Variants in TTC28 observed in about 807,000 individuals in gnomAD.
The protein encoded by TTC28 is tetratricopeptide repeat domain 28.
Under a neutral mutation model 198.0 loss-of-function variants are expected in TTC28, and 61 were observed. The observed-to-expected ratio is 0.31, with a 90% confidence interval of 0.25 to 0.38. The LOEUF (loss-of-function observed/expected upper bound fraction) is 0.38. Among genes scored for constraint, TTC28 ranks in the 10% least tolerant of loss-of-function variants. TTC28 has a pLI of 1.00. For missense variants in TTC28, 2,678 were observed against 3,164.0 expected (o/e 0.85, Z 3.69); for synonymous variants, 1,171 against 1,297.8 (o/e 0.90, Z 2.10).
At chr22:28,284,161 A>T (rs2145743604) in intron 5 of TTC28, among the ~76,000 whole-genome samples, 1 of 152,306 alleles carries the variant, frequency 6.6e-6, no homozygotes, top group Non-Finnish European at 1.5e-5. Flanking sequence ...ATTCATCTTT[A>T]TATCCAAAGG....
intron 5 of TTC28, among the ~76,000 whole-genome samples, chr22:28,264,905 C>T (rs1257604849): frequency 6.6e-6 from 1 of 152,058 alleles, no homozygotes; most frequent in Non-Finnish European, 1.5e-5. Flanking sequence ...CTTATTTTCC[C>T]CCAGAGACAA....
At chr22:28,595,237 CT>C (rs1195219298) in intron 2 of TTC28, among the ~76,000 whole-genome samples, 1 of 152,082 alleles carries the variant, frequency 6.6e-6, no homozygotes, top group Non-Finnish European at 1.5e-5. Flanking sequence ...TTACAACATT[CT>C]TGAGGGCAAT....
chr22:28,098,357 C>T (rs1284192813), intron 10 of TTC28, among the ~76,000 whole-genome samples: 1 of 152,136 alleles, frequency 6.6e-6, no homozygotes, highest in Non-Finnish European at 1.5e-5. Context: ...GGGAGGGAAC[C>T]TGGTTCAAGC....
At chr22:28,038,299 T>C (rs1939449540) in intron 12 of TTC28, among the ~76,000 whole-genome samples, 1 of 152,206 alleles carries the variant, frequency 6.6e-6, no homozygotes, top group African/African-American at 2.4e-5. Flanking sequence ...CAAAACAGCA[T>C]GGTACTGGTA....
At chr22:28,477,665 C>T (rs1342576410) in intron 2 of TTC28, among the ~76,000 whole-genome samples, 1 of 152,158 alleles carries the variant, frequency 6.6e-6, no homozygotes, top group African/African-American at 2.4e-5. Context: ...AGTGGCCTTC[C>T]TGAATTCACC....
chr22:28,140,258 AT>A (rs1337865705), intron 6 of TTC28, among the ~76,000 whole-genome samples: 21 of 152,326 alleles, frequency 1.4e-4, no homozygotes, highest in African/African-American at 5.1e-4. Context: ...GGACAGAGGT[AT>A]GTGCTGTATT....
chr22:28,027,494 C>T (rs12166077), intron 13 of TTC28, among the ~76,000 whole-genome samples: 9,132 of 152,302 alleles, frequency 0.06, 377 homozygotes, highest in South Asian at 0.09. Flanking sequence ...ACAGAGGCCT[C>T]ATTGCCAAAT....
chr22:28,372,162 T>A (rs2046348370), intron 2 of TTC28, among the ~76,000 whole-genome samples: 1 of 152,146 alleles, frequency 6.6e-6, no homozygotes, highest in African/African-American at 2.4e-5. Context: ...ATGATAGATT[T>A]AATCAGGTAA....
intron 2 of TTC28, among the ~76,000 whole-genome samples, chr22:28,475,604 A>C (rs529591254): frequency 5.9e-5 from 9 of 152,342 alleles, no homozygotes; most frequent in African/African-American, 2.2e-4. Flanking sequence ...AGTCAGGCTT[A>C]GTTAATCAAT....
intron 2 of TTC28, among the ~76,000 whole-genome samples, chr22:28,555,260 A>G (rs2049768876): frequency 6.6e-6 from 1 of 152,206 alleles, no homozygotes; most frequent in African/African-American, 2.4e-5. Context: ...GTAAACCAGT[A>G]CAATCACTAG....
chr22:28,066,018 T>G (rs141605173), intron 12 of TTC28, among the ~76,000 whole-genome samples: 1 of 152,200 alleles, frequency 6.6e-6, no homozygotes, highest in South Asian at 2.1e-4. Context: ...AACCAGAAAG[T>G]GAGTCTTCCC....
chr22:28,227,508 C>A (rs1928434495), intron 5 of TTC28, among the ~76,000 whole-genome samples: 1 of 151,974 alleles, frequency 6.6e-6, no homozygotes. Context: ...GATTTATACC[C>A]AGAATATGTA....
At chr22:28,339,382 G>A (rs1282496842) in intron 2 of TTC28, among the ~76,000 whole-genome samples, 1 of 152,166 alleles carries the variant, frequency 6.6e-6, no homozygotes, top group African/African-American at 2.4e-5. Context: ...CAGATCTCCA[G>A]CTGCATGCTG....
At chr22:28,415,499 C>T (rs1041920519) in intron 2 of TTC28, among the ~76,000 whole-genome samples, 2 of 151,908 alleles carry the variant, frequency 1.3e-5, no homozygotes, top group East Asian at 1.9e-4. Context: ...TAAAATAGAC[C>T]GTAGTAATCA....
chr22:28,083,810 C>A (rs921615934), intron 12 of TTC28, among the ~76,000 whole-genome samples: 8 of 152,190 alleles, frequency 5.3e-5, no homozygotes, highest in African/African-American at 1.9e-4. Context: ...GTCACTCCCA[C>A]CCTCATACTG....
chr22:28,604,749 AAAAG>A (rs906049818), intron 2 of TTC28, among the ~76,000 whole-genome samples: 2 of 152,212 alleles, frequency 1.3e-5, no homozygotes, highest in Non-Finnish European at 2.9e-5. Context: ...CAGCTCAAAA[AAAAG>A]AAAGAAAGAA....
chr22:27,982,182 T>G lies in TTC28; in HGVS notation c.*39A>C. The G allele has an allele frequency of 6.9e-7, 1 of 1,454,402 alleles. No individual in the cohort carries two copies. Among genetic ancestry groups the G allele is most frequent in the East Asian group, 2.5e-5 (1 of 40,122 alleles). The allele number at this position is 1,454,402 out of a possible 1,614,324, so 90.1% of individuals were successfully genotyped here. A position where few individuals can be genotyped will look rare whatever the true frequency, so the allele number is the denominator to read the frequency against. On this transcript the variant is annotated 3_prime_UTR_variant, in exon 23 of 23. Transcript: ENST00000397906. The surrounding 1 kb of genome is among the most constrained non-coding windows in gnomAD (Gnocchi z 5.2). ...GGCTGAAGCAAACGCCAGGCCCCCA[T>G]CTGCAGGCTGCTCAGAGTCAGTGGG... is the stretch of plus-strand genomic sequence containing the variant.
At chr22:28,071,748 G>GAAAAAAAAAAAAAAAAAAAAAAAGA in intron 12 of TTC28, among the ~76,000 whole-genome samples, 1 of 91,154 alleles carries the variant, frequency 1.1e-5, no homozygotes, top group East Asian at 3.4e-4. Flanking sequence ...AAAAAAAAAG[G>GAAAAAAAAAAAAAAAAAAAAAAAGA]AAAAAAAAAA....
intron 2 of TTC28, among the ~76,000 whole-genome samples, chr22:28,450,744 G>A (rs942037905): frequency 3.9e-5 from 6 of 152,054 alleles, no homozygotes; most frequent in Non-Finnish European, 7.4e-5. Context: ...TTCTGTCTAC[G>A]ACACAACAAC....
Sources: gnomAD v4.1 joint callset for allele counts (sites outside exome capture counted in the v4.1 genomes callset) on GRCh38, gnomAD v4.1.1 for gene constraint, Gnocchi (gnomAD v3.1) non-coding constraint, MANE v1.5 for transcripts, NCBI Gene and HGNC (gene_info 2026-07-23, HGNC 2026-07-21) for gene names.